Variants in FRMD5 observed in about 807,000 individuals in gnomAD.
FRMD5 encodes FERM domain-containing protein 5.
In FRMD5, 20 loss-of-function variants were observed where a neutral mutation model predicts 69.0. The ratio of observed to expected loss-of-function variants is 0.29; its 90% CI spans 0.20 to 0.42. FRMD5 has a LOEUF of 0.42. FRMD5 is among the 10% of genes least tolerant of loss of function. The pLI, the probability that FRMD5 is intolerant of heterozygous loss-of-function variation, is 1.00. For missense variants in FRMD5, 595 were observed against 708.6 expected, an observed-to-expected ratio of 0.84 and a Z score of 1.82; for synonymous variants, 271 against 260.1, an observed-to-expected ratio of 1.04 and a Z score of -0.40.
intron 1 of FRMD5, among the ~76,000 whole-genome samples, chr15:44,052,983 A>C (rs1892729589): frequency 6.6e-6 from 1 of 152,188 alleles, no homozygotes; most frequent in South Asian, 2.1e-4. Context: ...TCACACAAAT[A>C]ATTACAACAG....
In FRMD5 at chr15:43,872,672, T is replaced by A. The variant is rs1032491513; in HGVS notation, c.*1213A>T. ...GTCTCTGCCACGGTCACATTCTGTG[T>A]TTTGTAGGCATCTCTTAGAAATCTA... On this transcript the variant is annotated 3_prime_UTR_variant, in exon 14 of 14. Coordinates refer to ENST00000417257, the MANE Select transcript of FRMD5 (RefSeq NM_032892.5). 2 of 155,012 alleles carry A rather than the reference T, an allele frequency of 1.3e-5. No homozygotes were observed. The highest frequency in any genetic ancestry group is 2.9e-5 in the Non-Finnish European group (2 of 69,910). The allele number at this position is 155,012 out of a possible 1,614,324, so 9.6% of individuals were successfully genotyped here.
chr15:44,017,155 G>A (rs534575162), intron 1 of FRMD5, among the ~76,000 whole-genome samples: 45 of 151,990 alleles, frequency 3.0e-4, no homozygotes, highest in African/African-American at 7.0e-4. Context: ...TGGCTAACAC[G>A]GTGAAACCCC....
chr15:44,195,087 G>T lies in FRMD5; in HGVS notation c.-33C>A. The T allele has an allele frequency of 9.0e-6, 13 of 1,447,584 alleles. No individual in the cohort carries two copies. The highest frequency in any genetic ancestry group is 1.2e-5 in the Non-Finnish European group (13 of 1,096,040). 89.7% of individuals were successfully genotyped at this position (1,447,584 alleles called of 1,614,324 possible). A position where few individuals can be genotyped will look rare whatever the true frequency, so the allele number is the denominator to read the frequency against. ...CCCGCCCGCCCGGGAGCGACGCGGC[G>T]GCGCTGCGGACCCTGGACCAGGCGT... On this transcript the variant is annotated 5_prime_UTR_variant, in exon 1 of 14. Transcript: ENST00000417257.
At chr15:44,161,142 A>G (rs2077610193) in intron 1 of FRMD5, among the ~76,000 whole-genome samples, 1 of 152,132 alleles carries the variant, frequency 6.6e-6, no homozygotes, top group Admixed American at 6.5e-5. Context: ...GTTAACAATA[A>G]ATGTAGACAG....
intron 7 of FRMD5, among the ~76,000 whole-genome samples, chr15:43,892,897 A>C (rs1347373310): frequency 6.6e-6 from 1 of 152,220 alleles, no homozygotes; most frequent in Non-Finnish European, 1.5e-5. Context: ...TGAGGTCAGG[A>C]GTTCGAGACC....
intron 1 of FRMD5, among the ~76,000 whole-genome samples, chr15:44,145,592 G>A (rs2077343832): frequency 6.6e-6 from 1 of 152,152 alleles, no homozygotes; most frequent in Admixed American, 6.5e-5. Context: ...CCGTTTTGGT[G>A]TAAAACTCAT....
intron 1 of FRMD5, among the ~76,000 whole-genome samples, chr15:44,169,094 T>C (rs1181539775): frequency 6.6e-6 from 1 of 152,226 alleles, no homozygotes; most frequent in African/African-American, 2.4e-5. Flanking sequence ...CTGGTAAATA[T>C]AAAAATTATG....
At chr15:44,157,966 A>G (rs1214193273) in intron 1 of FRMD5, among the ~76,000 whole-genome samples, 3 of 152,288 alleles carry the variant, frequency 2.0e-5, no homozygotes, top group Non-Finnish European at 4.4e-5. Flanking sequence ...TGCTGCCACA[A>G]ATATGTTTGT....
At chr15:43,891,471 G>A (rs1032981874) in intron 8 of FRMD5, among the ~76,000 whole-genome samples, 3 of 152,190 alleles carry the variant, frequency 2.0e-5, no homozygotes, top group Non-Finnish European at 4.4e-5. Context: ...TTGCAGACAC[G>A]ATGCCCACAG....
chr15:43,875,363 A>AATATATATAT (rs749584177), intron 13 of FRMD5, among the ~76,000 whole-genome samples: 7 of 105,324 alleles, frequency 6.6e-5, no homozygotes, highest in African/African-American at 2.4e-4. Context: ...AAAAAAAAAA[A>AATATATATAT]ATATATATAT....
intron 1 of FRMD5, among the ~76,000 whole-genome samples, chr15:44,106,526 G>C (rs1216737936): frequency 6.6e-6 from 1 of 152,052 alleles, no homozygotes; most frequent in Non-Finnish European, 1.5e-5. Flanking sequence ...TCCTTCACCT[G>C]CCTCATTCTG....
intron 1 of FRMD5, 81 bp downstream of exon 1, chr15:44,194,872 C>A: frequency 8.3e-7 from 1 of 1,209,536 alleles, no homozygotes; most frequent in Non-Finnish European, 1.2e-6. Context: ...GACCCCTGGG[C>A]GGCGGCCGCC....
intron 1 of FRMD5, among the ~76,000 whole-genome samples, chr15:43,962,990 G>T (rs2090229839): frequency 6.6e-6 from 1 of 152,194 alleles, no homozygotes. Context: ...CAGGATATAG[G>T]CATGGGCAAG....
rs529763109 is a variant in FRMD5 at position 43,964,621 on chromosome 15, G to GC, written c.103-40313dup. On this transcript the variant is annotated intron_variant, in intron 1 of 13. Transcript: ENST00000417257. Reference sequence around the variant, plus strand: ...ATTTTGGCCTCTTTCACATGTTAATGCTTTTTCTTATGTGTAAGCATGCAC... The same window carrying GC: ...ATTTTGGCCTCTTTCACATGTTAATGCCTTTTTCTTATGTGTAAGCATGCAC... 2.4e-3 allele frequency among the ~76,000 whole-genome samples: 362 copies of GC among 151,876 alleles called. 1 individual carries two copies. Among genetic ancestry groups the GC allele is most frequent in the Non-Finnish European group, 9.0e-4 (61 of 67,972 alleles).
At chr15:43,911,640 C>T (rs1429830153) in intron 4 of FRMD5, among the ~76,000 whole-genome samples, 1 of 152,204 alleles carries the variant, frequency 6.6e-6, no homozygotes, top group African/African-American at 2.4e-5. Flanking sequence ...CACTCTGAGA[C>T]AATTAAACGC....
At chr15:44,092,922 T>C (rs1274018709) in intron 1 of FRMD5, among the ~76,000 whole-genome samples, 1 of 140,040 alleles carries the variant, frequency 7.1e-6, no homozygotes, top group Non-Finnish European at 1.5e-5. Context: ...TGTTCTATCC[T>C]CTGCCTTTTT....
chr15:44,050,941 A>C (rs1892636592), intron 1 of FRMD5, among the ~76,000 whole-genome samples: 1 of 151,556 alleles, frequency 6.6e-6, no homozygotes, highest in Admixed American at 6.6e-5. Flanking sequence ...TACAGGCATG[A>C]GTCACCGTGC....
At chr15:44,017,767 AGCTAAATTTTTTTT>A (rs1408467765) in intron 1 of FRMD5, among the ~76,000 whole-genome samples, 1 of 151,740 alleles carries the variant, frequency 6.6e-6, no homozygotes, top group Non-Finnish European at 1.5e-5. Context: ...CACCATGCCC[AGCTAAATTTTTTTT>A]TGTATTTTTA....
chr15:44,075,298 C>A (rs1422385393), intron 1 of FRMD5, among the ~76,000 whole-genome samples: 1 of 152,030 alleles, frequency 6.6e-6, no homozygotes, highest in Non-Finnish European at 1.5e-5. Context: ...AAATAGATCT[C>A]AACTGGAAAT....
Sources: allele counts gnomAD v4.1 joint callset (sites outside exome capture counted in the v4.1 genomes callset), GRCh38; gene constraint gnomAD v4.1.1; transcripts MANE v1.5; gene names NCBI Gene and HGNC (gene_info 2026-07-23, HGNC 2026-07-21).